SLC25A35: variants seen among roughly 807,000 people sequenced by gnomAD.
SLC25A35 encodes solute carrier family 25 member 35.
A neutral mutation model predicts 30.5 loss-of-function variants in SLC25A35; 32 were observed. That is an observed-to-expected ratio of 1.05 (90% confidence interval 0.79 to 1.41). SLC25A35 has a LOEUF of 1.41. Among genes scored for constraint, SLC25A35 ranks in the 40% most tolerant of loss-of-function variants. The pLI, the probability that SLC25A35 is intolerant of heterozygous loss-of-function variation, is 0.00. For synonymous variants in SLC25A35, 142 were observed against 158.1 expected, an observed-to-expected ratio of 0.90 and a Z score of 0.77; for missense variants, 369 against 388.0, an observed-to-expected ratio of 0.95 and a Z score of 0.41.
At chr17:8,291,021 A>G in intron 3 of SLC25A35, 45 bp from the exon 4 acceptor site, 1 of 1,611,028 alleles carries the variant, frequency 6.2e-7, no homozygotes, top group Non-Finnish European at 8.5e-7. Flanking sequence ...GCCAACTATT[A>G]CACCCCAAGG....
chr17:8,289,132 C>A (rs878959333), downstream of SLC25A35: 4 of 1,602,348 alleles, frequency 2.5e-6, no homozygotes, highest in Admixed American at 5.0e-5. Context: ...GTGGGCGGGG[C>A]CCGCGGCCGA....
rs918103699 is a variant in SLC25A35 at position 8,290,312 on chromosome 17, T to C, written c.*193A>G. Reference sequence around the variant, plus strand: ...TACCCAGGGAATGGGTAGGGAAGGTTTAAAGCAACACCCAAGGAAAGAAGG... The same window carrying C: ...TACCCAGGGAATGGGTAGGGAAGGTCTAAAGCAACACCCAAGGAAAGAAGG... On this transcript the variant is annotated 3_prime_UTR_variant, in exon 5 of 5. Coordinates refer to ENST00000577745, the MANE Select transcript of SLC25A35 (RefSeq NM_001320870.2). 2.8e-6 allele frequency: 4 copies of C among 1,430,696 alleles called. No homozygotes were observed. Among genetic ancestry groups the C allele is most frequent in the Non-Finnish European group, 2.7e-6 (3 of 1,097,940 alleles). 88.6% of individuals were successfully genotyped at this position (1,430,696 alleles called of 1,614,324 possible).
Position 8,290,086 on chromosome 17 carries a change from A to G in SLC25A35, c.*419T>C. On this transcript the variant is annotated 3_prime_UTR_variant, in exon 5 of 5. Transcript: ENST00000577745. ...TTCAGAATAAACTTGCTTTATAATC[A>G]ATATAATCTCTGTGCCTTTGAATCT... 2.6e-6 allele frequency: 4 copies of G among 1,531,728 alleles called. No individual in the cohort carries two copies. Among genetic ancestry groups the G allele is most frequent in the Non-Finnish European group, 3.5e-6 (4 of 1,139,578 alleles). The allele number at this position is 1,531,728 out of a possible 1,614,324, so 94.9% of individuals were successfully genotyped here. A position where few individuals can be genotyped will look rare whatever the true frequency, so the allele number is the denominator to read the frequency against.
At position 8,290,260 on chromosome 17, in the gene SLC25A35, G is replaced by C. The variant is rs8066165; in HGVS notation, c.*245C>G. ...GAGGAAATACACTTTGGGATGACTC[G>C]TTCAGCCCTGAGAGAGGGGTGTGAG... On this transcript the variant is annotated 3_prime_UTR_variant, in exon 5 of 5. Transcript: ENST00000577745. 80,253 of 1,424,826 alleles carry C rather than the reference G, an allele frequency of 0.056. 2,885 individuals carry two copies. The highest frequency in any genetic ancestry group is 0.16 in the South Asian group (10,438 of 64,840). 88.3% of individuals were successfully genotyped at this position (1,424,826 alleles called of 1,614,324 possible).
chr17:8,291,682 C>T (rs777622200), intron 2 of SLC25A35, among the ~76,000 whole-genome samples, 197 bp from the exon 3 acceptor site: 4 of 152,158 alleles, frequency 2.6e-5, no homozygotes, highest in Non-Finnish European at 5.9e-5. Context: ...AGAACTGGGG[C>T]GGGATGTATG....
intron 3 of SLC25A35, 48 bp from the exon 4 acceptor site, chr17:8,291,024 C>A (rs771732473): frequency 6.8e-6 from 11 of 1,609,760 alleles, no homozygotes; most frequent in African/African-American, 1.3e-5. Flanking sequence ...AACTATTACA[C>A]CCCAAGGACA....
At chr17:8,294,336 G>A (rs1990717306) in intron 1 of SLC25A35, 97 bp downstream of exon 1, 5 of 1,325,966 alleles carry the variant, frequency 3.8e-6, no homozygotes, top group Middle Eastern at 2.8e-4. Flanking sequence ...GCTTGCAGTG[G>A]GGCAGCACTC....
chr17:8,295,336 C>G lies in SLC25A35; in HGVS notation c.-529G>C, dbSNP rs1990785964. The G allele has an allele frequency of 3.0e-6, 3 of 985,672 alleles. No individual in the cohort carries two copies. The highest frequency in any genetic ancestry group is 3.6e-6 in the Non-Finnish European group (3 of 830,248). The allele number at this position is 985,672 out of a possible 1,614,324, so 61.1% of individuals were successfully genotyped here. A position where few individuals can be genotyped will look rare whatever the true frequency, so the allele number is the denominator to read the frequency against. ...TCCCTGAGCGTCCCCAGGCAGCCAC[C>G]GGAGCTCGCAGTAGCTTCAACCCCG... On this transcript the variant is annotated 5_prime_UTR_variant, in exon 1 of 5. Transcript: ENST00000577745.
At chr17:8,291,030 G>A (rs2151614951) in intron 3 of SLC25A35, 54 bp from the exon 4 acceptor site, 1 of 1,606,390 alleles carries the variant, frequency 6.2e-7, no homozygotes, top group Non-Finnish European at 8.5e-7. Flanking sequence ...TACACCCCAA[G>A]GACAGGACAG....
In SLC25A35 at chr17:8,294,780, C is replaced by T. The variant is rs202168990; in HGVS notation, c.28G>A (p.Ala10Thr). 6.3e-7 allele frequency: 1 copy of T among 1,593,134 alleles called. No individual in the cohort carries two copies. Among genetic ancestry groups the T allele is most frequent in the African/African-American group, 1.3e-5 (1 of 74,460 alleles). Residue 10 changes from alanine (A) to threonine (T), a missense_variant, in exon 1 of 5, where the codon GCC becomes ACC. By Grantham distance (58) the Ala-to-Thr change is moderately conservative (BLOSUM62 0). Coordinates refer to ENST00000577745, the MANE Select transcript of SLC25A35 (RefSeq NM_001320870.2). Reference protein sequence around the residue: MDFLMSGLAACGACVFTNPL... With the variant: MDFLMSGLATCGACVFTNPL... Reference sequence around the variant, plus strand: ...TTGGTGAATACACAGGCCCCGCAGGCTGCCAGGCCACTCATCAAGAAGTCC... The same window carrying T: ...TTGGTGAATACACAGGCCCCGCAGGTTGCCAGGCCACTCATCAAGAAGTCC...
At chr17:8,289,036 A>G (rs762555619), downstream of SLC25A35, 4 of 1,613,854 alleles carry the variant, frequency 2.5e-6, no homozygotes, top group African/African-American at 4.0e-5. Flanking sequence ...GAACTTCTCG[A>G]GCTGCAGGCC....
intron 3 of SLC25A35, 136 bp from the exon 4 acceptor site, chr17:8,291,112 CAGTG>C (rs977004606): frequency 2.2e-6 from 3 of 1,351,692 alleles, no homozygotes; most frequent in South Asian, 1.4e-5. Context: ...AGTGCAAAAA[CAGTG>C]AGAAGGAGGA....
At chr17:8,288,668 C>A, downstream of SLC25A35, 1 of 1,145,706 alleles carries the variant, frequency 8.7e-7, no homozygotes, top group South Asian at 1.2e-5. Context: ...CTTAAAGGAT[C>A]CGGGAGCTAA....
At chr17:8,289,422 C>T (rs368054233), downstream of SLC25A35, 1 of 1,613,996 alleles carries the variant, frequency 6.2e-7, no homozygotes, top group Admixed American at 1.7e-5. Flanking sequence ...CAGGTGAGGG[C>T]CCGAGAGTGT....
chr17:8,288,987 G>C, downstream of SLC25A35: 2 of 1,614,182 alleles, frequency 1.2e-6, no homozygotes, highest in Non-Finnish European at 1.7e-6. Flanking sequence ...CAATCAAGAA[G>C]TTTTCTGCCA....
chr17:8,290,231 G>C lies in SLC25A35; in HGVS notation c.*274C>G, dbSNP rs1235862553. 2.8e-6 allele frequency: 4 copies of C among 1,425,782 alleles called. No homozygotes were observed. Among genetic ancestry groups the C allele is most frequent in the Non-Finnish European group, 2.7e-6 (3 of 1,095,398 alleles). The allele number at this position is 1,425,782 out of a possible 1,614,324, so 88.3% of individuals were successfully genotyped here. A position where few individuals can be genotyped will look rare whatever the true frequency, so the allele number is the denominator to read the frequency against. On this transcript the variant is annotated 3_prime_UTR_variant, in exon 5 of 5. Coordinates refer to ENST00000577745, the MANE Select transcript of SLC25A35 (RefSeq NM_001320870.2). The stretch of plus-strand genomic sequence containing the variant: ...AGGGACTCAAGGGTGGCAGTGGTGA[G>C]TGGGAGGAAATACACTTTGGGATGA...
At chr17:8,288,540 AC>A, downstream of SLC25A35, 1 of 589,216 alleles carries the variant, frequency 1.7e-6, no homozygotes, top group Non-Finnish European at 3.0e-6. Context: ...CCCAAGGCAG[AC>A]CCCACCGTCC....
downstream of SLC25A35, chr17:8,288,208 A>C (rs1168593658): frequency 6.2e-6 from 1 of 160,372 alleles, no homozygotes; most frequent in Non-Finnish European, 1.4e-5. Flanking sequence ...CCGAGGCGGG[A>C]GGATCGCTTG....
Position 8,294,613 on chromosome 17 carries a change from G to T in SLC25A35, c.195C>A (p.Gly65=). 2 of 1,614,180 alleles carry T rather than the reference G, an allele frequency of 1.2e-6. No homozygotes were observed. Among genetic ancestry groups the T allele is most frequent in the Non-Finnish European group, 1.7e-6 (2 of 1,180,026 alleles). Residue 65 remains glycine (G), a synonymous_variant, in exon 1 of 5, where the codon GGC becomes GGA. Transcript: ENST00000577745. ...KVDGLAALQK[G]LAPALLYQFL... ...ACTGGTACAAGAGGGCGGGGGCCAGGCCTTTCTGCAGGGCAGCAAGGCCAT... is the reference window on the plus strand; with the variant it reads ...ACTGGTACAAGAGGGCGGGGGCCAGTCCTTTCTGCAGGGCAGCAAGGCCAT...
Sources: gnomAD v4.1 joint callset for allele counts (sites outside exome capture counted in the v4.1 genomes callset) on GRCh38, gnomAD v4.1.1 for gene constraint, MANE v1.5 for transcripts, NCBI Gene and HGNC (gene_info 2026-07-23, HGNC 2026-07-21) for gene names.